Variants in CEP57L1 observed in about 807,000 individuals in gnomAD.
The protein encoded by CEP57L1 is centrosomal protein CEP57L1.
A neutral mutation model predicts 61.0 loss-of-function variants in CEP57L1; 37 were observed. That is an observed-to-expected ratio of 0.61 (90% CI 0.47 to 0.80). The LOEUF is 0.80. Ranked by LOEUF, CEP57L1 falls within the 30% of genes least tolerant of loss-of-function variation. The probability of loss-of-function intolerance (pLI) is 0.00; values close to 1 mark genes in which losing one functional copy is unlikely to be tolerated. For missense variants in CEP57L1, 422 were observed against 524.7 expected (o/e 0.80, Z 1.91); for synonymous variants, 137 against 162.3 (o/e 0.84, Z 1.19).
chr6:109,096,740 A>G (rs919361137), intron 1 of CEP57L1, among the ~76,000 whole-genome samples: 3 of 152,244 alleles, frequency 2.0e-5, no homozygotes, highest in African/African-American at 7.2e-5. Flanking sequence ...TAAAAAGGGA[A>G]TAACTTATGA....
intron 1 of CEP57L1, among the ~76,000 whole-genome samples, chr6:109,130,455 T>A (rs1774049724): frequency 6.6e-6 from 1 of 152,186 alleles, no homozygotes; most frequent in Non-Finnish European, 1.5e-5. Flanking sequence ...CTTGTATATA[T>A]CACATTTTGT....
At position 109,165,444 on chromosome 6, in the gene CEP57L1, T is replaced by C. The variant is rs1360277909; in HGVS notation, c.*2474T>C. Reference sequence around the variant, plus strand: ...AAAAAAAAAAAATGTAGAACACATGTTTGCATGGGTTGAAGCCTAAAAGCA... The same window carrying C: ...AAAAAAAAAAAATGTAGAACACATGCTTGCATGGGTTGAAGCCTAAAAGCA... On this transcript the variant is annotated 3_prime_UTR_variant, in exon 11 of 11. Transcript: ENST00000517392. Among the ~76,000 whole-genome samples, 1 of 152,060 alleles carries C rather than the reference T, an allele frequency of 6.6e-6. No individual in the cohort carries two copies. The highest frequency in any genetic ancestry group is 6.6e-5 in the Admixed American group (1 of 15,244).
At chr6:109,141,415 C>G (rs574130236) in intron 1 of CEP57L1, among the ~76,000 whole-genome samples, 3 of 150,550 alleles carry the variant, frequency 2.0e-5, no homozygotes, top group Admixed American at 6.6e-5. Flanking sequence ...CAGGGTTTCA[C>G]TGTTGGCCAG....
intron 1 of CEP57L1, among the ~76,000 whole-genome samples, chr6:109,118,754 T>C (rs891981992): frequency 1.3e-5 from 2 of 152,194 alleles, no homozygotes; most frequent in Non-Finnish European, 2.9e-5. Context: ...CTCTCTCTGA[T>C]CTGAATGGTA....
chr6:109,152,632 CGTGCGT>C (rs1024253143), intron 4 of CEP57L1, among the ~76,000 whole-genome samples: 5 of 104,070 alleles, frequency 4.8e-5, no homozygotes, highest in African/African-American at 2.0e-4. Context: ...TATAGATGTG[CGTGCGT>C]GTGTGTGTGT....
rs1336110957 is a variant in CEP57L1, at chr6:109,171,491, C to T, written c.*8521C>T. ...AACTCCTGACCTTAGGTGAACTGCC[C>T]GCCTCAGCCTCCCAAAGTGCTGGGA... On this transcript the variant is annotated 3_prime_UTR_variant, in exon 11 of 11. Transcript: ENST00000517392. Among the ~76,000 whole-genome samples, 1 of 151,792 alleles carries T rather than the reference C, an allele frequency of 6.6e-6. No individual in the cohort carries two copies. Among genetic ancestry groups the T allele is most frequent in the African/African-American group, 2.4e-5 (1 of 41,332 alleles).
At chr6:109,110,569 C>T (rs1004170768) in intron 1 of CEP57L1, among the ~76,000 whole-genome samples, 2 of 152,134 alleles carry the variant, frequency 1.3e-5, no homozygotes, top group Non-Finnish European at 2.9e-5. Flanking sequence ...GTTGCCATTG[C>T]TTTTGGTGTT....
At chr6:109,154,292 A>T (rs970321523) in intron 5 of CEP57L1, among the ~76,000 whole-genome samples, 2 of 151,970 alleles carry the variant, frequency 1.3e-5, no homozygotes, top group Admixed American at 6.6e-5. Context: ...TTCCCTCCAA[A>T]TCTTTTCCAT....
At chr6:109,144,000 C>T (rs897176253) in intron 1 of CEP57L1, among the ~76,000 whole-genome samples, 4 of 152,072 alleles carry the variant, frequency 2.6e-5, no homozygotes, top group African/African-American at 9.7e-5. Context: ...GGAACAACAA[C>T]TTAGATAGAT....
chr6:109,097,524 CAT>C (rs1682675764), intron 1 of CEP57L1, among the ~76,000 whole-genome samples: 3 of 152,164 alleles, frequency 2.0e-5, no homozygotes, highest in Admixed American at 6.5e-5. Flanking sequence ...TCTCATATTC[CAT>C]TTCACCCACG....
intron 1 of CEP57L1, among the ~76,000 whole-genome samples, chr6:109,134,133 C>T (rs1007618761): frequency 1.3e-5 from 2 of 152,126 alleles, no homozygotes; most frequent in African/African-American, 4.8e-5. Context: ...AGACCAATAT[C>T]CCTGATGAAC....
At chr6:109,129,601 A>G in intron 1 of CEP57L1, 1 of 448,342 alleles carries the variant, frequency 2.2e-6, no homozygotes, top group East Asian at 7.0e-5. Flanking sequence ...AATCTTACCT[A>G]CTGCTTACAG....
chr6:109,159,194 C>G (rs1237396538), intron 8 of CEP57L1, 75 bp from the exon 9 acceptor site: 4 of 1,613,494 alleles, frequency 2.5e-6, no homozygotes. Flanking sequence ...TAAAATTATT[C>G]TCAGTTGTTT....
intron 1 of CEP57L1, among the ~76,000 whole-genome samples, chr6:109,136,912 C>A (rs934983081): frequency 6.6e-6 from 1 of 151,934 alleles, no homozygotes; most frequent in African/African-American, 2.4e-5. Flanking sequence ...TGCGCCACTG[C>A]GCCCTACAAT....
chr6:109,117,860 T>C (rs1177675026), intron 1 of CEP57L1, among the ~76,000 whole-genome samples: 1 of 152,204 alleles, frequency 6.6e-6, no homozygotes, highest in Non-Finnish European at 1.5e-5. Context: ...CATAGGCTGT[T>C]CTCTGTGCTC....
intron 1 of CEP57L1, among the ~76,000 whole-genome samples, chr6:109,109,232 G>C (rs1181676422): frequency 1.3e-5 from 2 of 152,104 alleles, no homozygotes; most frequent in Non-Finnish European, 2.9e-5. Context: ...TCTCTTAAGA[G>C]TATTCACCAA....
chr6:109,139,944 T>C (rs1253169897), intron 1 of CEP57L1, among the ~76,000 whole-genome samples: 1 of 152,200 alleles, frequency 6.6e-6, no homozygotes, highest in African/African-American at 2.4e-5. Context: ...GAATTTTCCA[T>C]TAATATTTTC....
intron 3 of CEP57L1, among the ~76,000 whole-genome samples, chr6:109,149,438 G>A (rs535896861): frequency 1.3e-5 from 2 of 152,160 alleles, no homozygotes; most frequent in African/African-American, 2.4e-5. Flanking sequence ...TAGATATGCG[G>A]CATTATTTCT....
rs1260812563 is a variant in CEP57L1, at chr6:109,158,764, G to C, written c.745-261G>C. On this transcript the variant is annotated intron_variant, in intron 7 of 10. Transcript: ENST00000517392. ...TGTGTGCTTGCCAACATTTGTTATT[G>C]TCACTGTTTTTTATTTTGGCCATTC... is the stretch of plus-strand genomic sequence containing the variant. 8 of 532,054 alleles carry C rather than the reference G, an allele frequency of 1.5e-5. No homozygotes were observed. In the Admixed American group the frequency reaches 2.3e-4, roughly 15 times the overall value. 33.0% of individuals were successfully genotyped at this position (532,054 alleles called of 1,614,324 possible). A position where few individuals can be genotyped will look rare whatever the true frequency, so the allele number is the denominator to read the frequency against.
Sources: gnomAD v4.1 joint callset for allele counts (sites outside exome capture counted in the v4.1 genomes callset) on GRCh38, gnomAD v4.1.1 for gene constraint, MANE v1.5 for transcripts, NCBI Gene and HGNC (gene_info 2026-07-23, HGNC 2026-07-21) for gene names.